The following ABCA13 variants were observed in gnomAD, a reference collection of about 807,000 sequenced individuals.
ABCA13 encodes the protein ATP binding cassette subfamily A member 13.
Under a neutral mutation model 478.7 loss-of-function variants are expected in ABCA13, and 476 were observed. The ratio of observed to expected loss-of-function variants is 0.99; its 90% CI spans 0.92 to 1.07. The LOEUF (loss-of-function observed/expected upper bound fraction) is 1.07. ABCA13 is among the 50% of genes least tolerant of loss of function. ABCA13 has a pLI of 0.00. For synonymous variants in ABCA13, 2,252 were observed against 2,158.9 expected, an observed-to-expected ratio of 1.04 and a Z score of -1.20; for missense variants, 6,060 against 5,910.6, an observed-to-expected ratio of 1.03 and a Z score of -0.83.
chr7:48,487,683 C>T (rs931684437), intron 47 of ABCA13, among the ~76,000 whole-genome samples: 5 of 152,142 alleles, frequency 3.3e-5, no homozygotes, highest in African/African-American at 9.7e-5. Context: ...TTCCACTTTC[C>T]ATAGGCAGTG....
chr7:48,572,745 A>G lies in ABCA13; in HGVS notation c.14355-7479A>G, dbSNP rs577667928. Among the ~76,000 whole-genome samples, 21 of 152,266 alleles carry G rather than the reference A, an allele frequency of 1.4e-4. No homozygotes were observed. In the East Asian group the frequency reaches 3.9e-3, roughly 28 times the overall value. ...TTGCCAGGTTTAATTGTCAAGGAATAATGGCCTCAGTAAGTAACTTGAAAA... is the reference window on the plus strand; with the variant it reads ...TTGCCAGGTTTAATTGTCAAGGAATGATGGCCTCAGTAAGTAACTTGAAAA... On this transcript the variant is annotated intron_variant, in intron 55 of 61. Transcript: ENST00000435803.
chr7:48,297,843 C>T (rs746237254), intron 22 of ABCA13, among the ~76,000 whole-genome samples: 22 of 149,800 alleles, frequency 1.5e-4, no homozygotes, highest in Non-Finnish European at 2.5e-4. Flanking sequence ...GGCGTGATCT[C>T]GGCTCACTGC....
intron 41 of ABCA13, among the ~76,000 whole-genome samples, chr7:48,414,718 T>G (rs1819741322): frequency 6.6e-6 from 1 of 151,974 alleles, no homozygotes; most frequent in South Asian, 2.1e-4. Context: ...TCCTCCCACC[T>G]TAGCCTCCCA....
chr7:48,390,207 T>A (rs571171123), intron 37 of ABCA13, among the ~76,000 whole-genome samples: 2 of 152,316 alleles, frequency 1.3e-5, no homozygotes, highest in South Asian at 2.1e-4. Flanking sequence ...AGCAGAATGA[T>A]GAGAATTGCA....
intron 44 of ABCA13, among the ~76,000 whole-genome samples, chr7:48,467,798 T>G (rs1037466645): frequency 6.6e-6 from 1 of 152,204 alleles, no homozygotes; most frequent in East Asian, 1.9e-4. Context: ...AATCTAACAA[T>G]AATACAATAT....
intron 3 of ABCA13, among the ~76,000 whole-genome samples, chr7:48,209,773 T>C (rs187919005): frequency 3.8e-4 from 58 of 152,334 alleles, no homozygotes; most frequent in Non-Finnish European, 4.3e-4. Context: ...TGTATTGATA[T>C]ATAGTTGCTC....
Position 48,268,980 on chromosome 7 carries a change from C to T in ABCA13, c.2006C>T (p.Ala669Val). ...MQESFQNRLL[A>V]FPEESPCFEE... ...ATGTAGAAAATGTCTTTTTATTTAG[C>T]TTTTCCTGAGGAATCTCCTTGTTTT... The change falls in exon 16 of 62, where the codon GCT (alanine) becomes GTT (valine). Residue 669 changes from alanine to valine, a missense_variant and splice_region_variant. Coordinates refer to ENST00000435803, the MANE Select transcript of ABCA13 (RefSeq NM_152701.5). The T allele has an allele frequency of 6.7e-7, 1 of 1,503,630 alleles. No homozygotes were observed. The highest frequency in any genetic ancestry group is 1.8e-5 in the Admixed American group (1 of 56,668). The allele number at this position is 1,503,630 out of a possible 1,614,324, so 93.1% of individuals were successfully genotyped here. A position where few individuals can be genotyped will look rare whatever the true frequency, so the allele number is the denominator to read the frequency against.
intron 59 of ABCA13, among the ~76,000 whole-genome samples, chr7:48,624,625 G>A (rs774996748): frequency 5.9e-5 from 9 of 151,284 alleles, no homozygotes; most frequent in Non-Finnish European, 1.0e-4. Flanking sequence ...ACACGATCTC[G>A]GCTCACTGCA....
chr7:48,499,737 A>G (rs1192436792), intron 48 of ABCA13, among the ~76,000 whole-genome samples: 2 of 152,202 alleles, frequency 1.3e-5, no homozygotes, highest in African/African-American at 2.4e-5. Flanking sequence ...AAAACTTGTG[A>G]AGTAATGTCG....
At chr7:48,645,110 C>T (rs1410208546) in intron 61 of ABCA13, among the ~76,000 whole-genome samples, 5 of 152,056 alleles carry the variant, frequency 3.3e-5, no homozygotes, top group African/African-American at 7.2e-5. Context: ...AAACAAAAAG[C>T]GTTTCATTTA....
intron 34 of ABCA13, among the ~76,000 whole-genome samples, chr7:48,375,555 A>T (rs1813334233): frequency 6.6e-6 from 1 of 152,160 alleles, no homozygotes; most frequent in South Asian, 2.1e-4. Flanking sequence ...TGAGAATTTG[A>T]CAACTAAAAT....
At chr7:48,625,201 CT>C in intron 59 of ABCA13, among the ~76,000 whole-genome samples, 1 of 152,288 alleles carries the variant, frequency 6.6e-6, no homozygotes, top group South Asian at 2.1e-4. Context: ...ACACCATATG[CT>C]TTAGTGTGGC....
At chr7:48,321,079 G>A (rs891989373) in intron 27 of ABCA13, among the ~76,000 whole-genome samples, 7 of 152,210 alleles carry the variant, frequency 4.6e-5, no homozygotes, top group Admixed American at 4.6e-4. Flanking sequence ...AGAGATGGTG[G>A]AGGCCAGTGG....
chr7:48,562,777 C>T (rs1171751054), intron 55 of ABCA13, among the ~76,000 whole-genome samples: 1 of 152,018 alleles, frequency 6.6e-6, no homozygotes, highest in Non-Finnish European at 1.5e-5. Context: ...AACTGAAAGG[C>T]ATAAAGTTGT....
chr7:48,487,439 G>A (rs925615869), intron 47 of ABCA13, among the ~76,000 whole-genome samples: 4 of 151,942 alleles, frequency 2.6e-5, no homozygotes, highest in Non-Finnish European at 2.9e-5. Flanking sequence ...TTCAGCCAAA[G>A]AAGCTCTGTT....
Position 48,275,017 on chromosome 7 carries a change from C to A in ABCA13, c.5351C>A (p.Ser1784Ter). ...SFTLLHGITI[S>*]NITKEDFAIV... ...ACACTCCTTCATGGCATAACCATTT[C>A]AAATATCACCAAGGAAGACTTCGCA... Residue 1784 changes from serine to a stop codon, truncating the protein, a stop_gained, in exon 17 of 62, where the codon TCA (serine) becomes TAA (stop). Coordinates refer to ENST00000435803, the MANE Select transcript of ABCA13 (RefSeq NM_152701.5). LOFTEE classifies it high-confidence loss of function. 6 of 1,613,866 alleles carry A rather than the reference C, an allele frequency of 3.7e-6. No individual in the cohort carries two copies. Among genetic ancestry groups the A allele is most frequent in the Non-Finnish European group, 5.1e-6 (6 of 1,179,846 alleles).
At position 48,372,191 on chromosome 7, in the gene ABCA13, T is replaced by A. The variant is rs771610168; in HGVS notation, c.10827T>A (p.His3609Gln). Residue 3609 changes from histidine to glutamine, a missense_variant, in exon 33 of 62, where the codon CAT becomes CAA. Transcript: ENST00000435803. ...IEEYMRMMGV[H>Q]PVIHFLAWFL... ...AGTATATGCGGATGATGGGAGTGCA[T>A]CCAGTGATCCATTTCCTGGCCTGGT... 2 of 1,613,394 alleles carry A rather than the reference T, an allele frequency of 1.2e-6. No homozygotes were observed. The highest frequency in any genetic ancestry group is 2.7e-5 in the African/African-American group (2 of 74,916).
At chr7:48,287,777 T>G (rs1048546635) in intron 19 of ABCA13, among the ~76,000 whole-genome samples, 183 bp from the exon 20 acceptor site, 1 of 152,178 alleles carries the variant, frequency 6.6e-6, no homozygotes, top group South Asian at 2.1e-4. Context: ...AAATCTTTAT[T>G]TTATTACATT....
intron 5 of ABCA13, among the ~76,000 whole-genome samples, chr7:48,226,094 T>A (rs1254075765): frequency 6.6e-6 from 1 of 151,880 alleles, no homozygotes; most frequent in Non-Finnish European, 1.5e-5. Flanking sequence ...AGGAGTGGGG[T>A]TGGTCATCGA....
Sources: allele counts gnomAD v4.1 joint callset (sites outside exome capture counted in the v4.1 genomes callset), GRCh38; gene constraint gnomAD v4.1.1; transcripts MANE v1.5; gene names NCBI Gene and HGNC (gene_info 2026-07-23, HGNC 2026-07-21).